The following KLF8 variants were observed in gnomAD, a reference collection of about 807,000 sequenced individuals.
KLF8 encodes the protein KLF transcription factor 8.
KLF8 carries 10 observed loss-of-function variants against 18.2 expected under a neutral mutation model. That is an observed-to-expected ratio of 0.55 (90% CI 0.34 to 0.93). The LOEUF (loss-of-function observed/expected upper bound fraction) is 0.93, where lower values mean the gene tolerates loss of function less well. Ranked by LOEUF, KLF8 falls within the 40% of genes least tolerant of loss-of-function variation. The probability of loss-of-function intolerance (pLI) is 0.02; values close to 1 mark genes in which losing one functional copy is unlikely to be tolerated. For missense variants in KLF8, 264 were observed against 277.9 expected (o/e 0.95, Z 0.36); for synonymous variants, 109 against 97.3 (o/e 1.12, Z -0.71).
chrX:55,959,054 C>T, the KLF8 span, among the ~76,000 whole-genome samples: 3 of 112,143 alleles, frequency 2.7e-5, no homozygotes, highest in Admixed American at 1.9e-4. Context: ...ACCCTGGCCC[C>T]ACCAGTGCAG....
chrX:56,158,352 A>G, the KLF8 span, among the ~76,000 whole-genome samples: 2 of 111,989 alleles, frequency 1.8e-5, no homozygotes, highest in Middle Eastern at 4.2e-3. Context: ...CTTTTGGCTT[A>G]GGATTCACTT....
chrX:56,225,005 A>G, the KLF8 span, among the ~76,000 whole-genome samples: 1 of 110,829 alleles, frequency 9.0e-6, no homozygotes. Flanking sequence ...TTTTATAAGG[A>G]CACTATTCTC....
the KLF8 span, among the ~76,000 whole-genome samples, chrX:55,952,661 C>T: frequency 8.9e-6 from 1 of 111,911 alleles, no homozygotes. Flanking sequence ...CTGTAAAATT[C>T]CTTTGGACAT....
chrX:56,004,713 G>A, the KLF8 span, among the ~76,000 whole-genome samples: 1 of 111,694 alleles, frequency 9.0e-6, no homozygotes, highest in Non-Finnish European at 1.9e-5. Flanking sequence ...AGCCAGAGAA[G>A]AGGGGAGCCC....
At chrX:55,965,669 C>A in the KLF8 span, among the ~76,000 whole-genome samples, 1 of 112,170 alleles carries the variant, frequency 8.9e-6, no homozygotes, top group Admixed American at 9.4e-5. Context: ...TTAGACCTTA[C>A]TAACAACTTC....
the KLF8 span, among the ~76,000 whole-genome samples, chrX:56,048,870 T>C: frequency 3.7e-4 from 41 of 111,770 alleles, no homozygotes; most frequent in African/African-American, 1.2e-3. Flanking sequence ...GTATGGCCGT[T>C]TTCATGATAT....
chrX:56,038,321 C>T, the KLF8 span, among the ~76,000 whole-genome samples: 1 of 111,647 alleles, frequency 9.0e-6, no homozygotes, highest in Non-Finnish European at 1.9e-5. Context: ...TATGCCATCA[C>T]CTAGATATTA....
chrX:56,157,685 C>G, the KLF8 span, among the ~76,000 whole-genome samples: 1 of 111,767 alleles, frequency 8.9e-6, no homozygotes, highest in Non-Finnish European at 1.9e-5. Context: ...GCATAAATGT[C>G]TTCTTTTGAG....
chrX:56,270,185 A>G lies in KLF8; in HGVS notation c.762A>G (p.Pro254=). ...TTATCTCTATTTCTTTGATCAGACC[A>G]GCAGCAATGGCCCAAATGCAGGGAG... The part of the protein sequence containing the change: ...LQSLQGLQQE[P]AAMAQMQGEE... Residue 254 remains proline, a synonymous_variant, in exon 5 of 6, where the codon CCA becomes CCG. Transcript: ENST00000468660. 1 of 1,208,804 alleles carries G rather than the reference A, an allele frequency of 8.3e-7. No individual in the cohort carries two copies. Among genetic ancestry groups the G allele is most frequent in the East Asian group, 3.0e-5 (1 of 33,803 alleles).
At chrX:56,140,492 T>C in the KLF8 span, among the ~76,000 whole-genome samples, 1 of 111,136 alleles carries the variant, frequency 9.0e-6, no homozygotes, top group Admixed American at 9.6e-5. Context: ...TATAAAAAGG[T>C]AATTAATGCA....
At chrX:56,126,367 C>T in the KLF8 span, among the ~76,000 whole-genome samples, 9 of 112,208 alleles carry the variant, frequency 8.0e-5, no homozygotes, top group South Asian at 3.0e-3. Context: ...CAAACTACCA[C>T]CATCTCTCTT....
the KLF8 span, among the ~76,000 whole-genome samples, chrX:56,026,792 C>T: frequency 1.8e-5 from 2 of 111,846 alleles, no homozygotes; most frequent in Non-Finnish European, 3.8e-5. Flanking sequence ...CAGTTCGTGT[C>T]GGATAAGCCT....
At chrX:56,008,420 C>T in the KLF8 span, among the ~76,000 whole-genome samples, 2 of 111,284 alleles carry the variant, frequency 1.8e-5, no homozygotes, top group Non-Finnish European at 3.8e-5. Context: ...CCGGGAGCCA[C>T]GTGGGGCAAG....
chrX:56,080,406 G>A, the KLF8 span, among the ~76,000 whole-genome samples: 1 of 110,760 alleles, frequency 9.0e-6, no homozygotes, highest in Non-Finnish European at 1.9e-5. Context: ...CTTCACTTTT[G>A]AAGCTTAGTT....
chrX:56,028,440 A>G, the KLF8 span, among the ~76,000 whole-genome samples: 2 of 111,277 alleles, frequency 1.8e-5, no homozygotes, highest in Admixed American at 1.9e-4. Flanking sequence ...CTTTCTGAAT[A>G]GTGAATCCCA....
Position 56,243,264 on chromosome X carries a change from G to A in KLF8, c.8-6967G>A, listed in dbSNP as rs996071552. 5 of 430,889 alleles carry A rather than the reference G, an allele frequency of 1.2e-5. No homozygotes were observed. In the South Asian group the frequency reaches 1.3e-4, roughly 11 times the overall value. 35.5% of individuals were successfully genotyped at this position (430,889 alleles called of 1,213,427 possible). A position where few individuals can be genotyped will look rare whatever the true frequency, so the allele number is the denominator to read the frequency against. ...CTACAGAGTCGCAGTGACTTGGGCC[G>A]CTGGAAGGTGAGGGGTGTGTGGATC... On this transcript the variant is annotated intron_variant, in intron 1 of 5. Coordinates refer to ENST00000468660, the MANE Select transcript of KLF8 (RefSeq NM_007250.5).
chrX:55,918,605 G>C, the KLF8 span, among the ~76,000 whole-genome samples: 1 of 112,307 alleles, frequency 8.9e-6, no homozygotes, highest in African/African-American at 3.2e-5. Context: ...ATGCTCCATC[G>C]AAAACCTCTA....
chrX:56,031,272 T>C, the KLF8 span, among the ~76,000 whole-genome samples: 1 of 111,615 alleles, frequency 9.0e-6, no homozygotes, highest in African/African-American at 3.3e-5. Flanking sequence ...ACCTTTATCG[T>C]TTATACCAAA....
the KLF8 span, among the ~76,000 whole-genome samples, chrX:56,220,982 T>C: frequency 8.9e-6 from 1 of 112,772 alleles, no homozygotes; most frequent in Non-Finnish European, 1.9e-5. Flanking sequence ...GTTATCTGAA[T>C]AAAGAATCTG....
Sources: allele counts gnomAD v4.1 joint callset (sites outside exome capture counted in the v4.1 genomes callset), GRCh38; gene constraint gnomAD v4.1.1; transcripts MANE v1.5; gene names NCBI Gene and HGNC (gene_info 2026-07-23, HGNC 2026-07-21).